FAP: variants seen among roughly 807,000 people sequenced by gnomAD.
FAP encodes the protein prolyl endopeptidase FAP.
FAP carries 110 observed loss-of-function variants against 126.5 expected under a neutral mutation model. That is an observed-to-expected ratio of 0.87 (90% CI 0.74 to 1.02). The LOEUF is 1.02. Ranked by LOEUF, FAP falls within the 50% of genes least tolerant of loss-of-function variation. The probability of loss-of-function intolerance (pLI) is 0.00; values close to 1 mark genes in which losing one functional copy is unlikely to be tolerated. For synonymous variants in FAP, 334 were observed against 297.3 expected (o/e 1.12, Z -1.27); for missense variants, 919 against 909.2 (o/e 1.01, Z -0.14).
intron 9 of FAP, among the ~76,000 whole-genome samples, 161 bp from the exon 10 acceptor site, chr2:162,216,162 A>T (rs575788480): frequency 2.6e-5 from 4 of 152,336 alleles, no homozygotes; most frequent in South Asian, 4.1e-4. Context: ...TCTCATTTCA[A>T]TTTTACCTGC....
At chr2:162,191,563 A>G (rs866551699) in intron 17 of FAP, among the ~76,000 whole-genome samples, 5 of 152,266 alleles carry the variant, frequency 3.3e-5, no homozygotes, top group Middle Eastern at 6.8e-3. Context: ...TCTGGCATGT[A>G]GTATCTGCTT....
At chr2:162,220,914 C>T (rs1327862108) in intron 6 of FAP, among the ~76,000 whole-genome samples, 1 of 152,132 alleles carries the variant, frequency 6.6e-6, no homozygotes, top group East Asian at 1.9e-4. Context: ...TTTGAAGAGC[C>T]TCAAAAAAGA....
chr2:162,184,835 A>G (rs1055295994), intron 20 of FAP, among the ~76,000 whole-genome samples: 2 of 152,122 alleles, frequency 1.3e-5, no homozygotes, highest in African/African-American at 4.8e-5. Context: ...ATCAATTGTG[A>G]TTTTATGATC....
chr2:162,228,687 T>C (rs1689765123), intron 2 of FAP, among the ~76,000 whole-genome samples: 1 of 152,216 alleles, frequency 6.6e-6, no homozygotes, highest in South Asian at 2.1e-4. Context: ...CAGTTATTTG[T>C]AATGAAATAT....
chr2:162,173,940 C>A (rs1257358711), intron 22 of FAP, among the ~76,000 whole-genome samples, 153 bp from the exon 23 acceptor site: 1 of 152,070 alleles, frequency 6.6e-6, no homozygotes, highest in African/African-American at 2.4e-5. Context: ...TGGTTGGCCT[C>A]AAAGAATATG....
chr2:162,173,822 GT>G, intron 22 of FAP, 35 bp from the exon 23 acceptor site: 5 of 1,325,758 alleles, frequency 3.8e-6, no homozygotes, highest in Non-Finnish European at 5.4e-6. Flanking sequence ...TTGTTTGCAT[GT>G]GATGAATGTC....
In FAP at chr2:162,195,230, C is replaced by T. The variant is rs115339076; in HGVS notation, c.1403-482G>A. ...ATGGAATAATACATGCAGAAATCTA[C>T]ATGGGATATACTTCCTTTTAAAATA... On this transcript the variant is annotated intron_variant, in intron 16 of 25. Transcript: ENST00000188790. 2.4e-3 allele frequency among the ~76,000 whole-genome samples: 359 copies of T among 152,146 alleles called. 1 individual carries two copies. Among genetic ancestry groups the T allele is most frequent in the African/African-American group, 7.5e-3 (310 of 41,508 alleles).
At chr2:162,232,288 T>G (rs754383527) in intron 2 of FAP, among the ~76,000 whole-genome samples, 1 of 152,214 alleles carries the variant, frequency 6.6e-6, no homozygotes, top group African/African-American at 2.4e-5. Flanking sequence ...TAAATACTTT[T>G]GTGGACACCA....
At chr2:162,199,505 A>T (rs1039510632) in intron 15 of FAP, among the ~76,000 whole-genome samples, 1 of 152,146 alleles carries the variant, frequency 6.6e-6, no homozygotes, top group African/African-American at 2.4e-5. Context: ...CTGCAGAGTC[A>T]TCTGTGTGGT....
intron 2 of FAP, among the ~76,000 whole-genome samples, chr2:162,226,917 G>T (rs1689678217): frequency 1.3e-5 from 2 of 152,146 alleles, no homozygotes; most frequent in Non-Finnish European, 2.9e-5. Flanking sequence ...GCTGGGGCAT[G>T]ATTCTTCAGG....
In FAP at chr2:162,183,497, T is replaced by C. The variant is rs747799768; in HGVS notation, c.1815-29A>G. 5.9e-6 allele frequency: 8 copies of C among 1,363,022 alleles called. No homozygotes were observed. In the South Asian group the frequency reaches 9.4e-5, roughly 16 times the overall value. 84.4% of individuals were successfully genotyped at this position (1,363,022 alleles called of 1,614,324 possible). On this transcript the variant is annotated intron_variant, in intron 20 of 25. Transcript: ENST00000188790. The stretch of plus-strand genomic sequence containing the variant: ...AAGTAAAAGAAACAAATTTTTAGAA[T>C]GTTAAGTGTATACACATGACATTTA...
chr2:162,204,059 C>A (rs1219089699), intron 12 of FAP, among the ~76,000 whole-genome samples: 1 of 152,048 alleles, frequency 6.6e-6, no homozygotes, highest in Non-Finnish European at 1.5e-5. Context: ...TCATGCAGAG[C>A]AGATTTAAAG....
At chr2:162,227,584 T>C (rs1321448203) in intron 2 of FAP, among the ~76,000 whole-genome samples, 1 of 152,152 alleles carries the variant, frequency 6.6e-6, no homozygotes, top group African/African-American at 2.4e-5. Context: ...ATGAATCTGG[T>C]ATTTGCCCAG....
chr2:162,213,284 G>C (rs1353080989), intron 11 of FAP, among the ~76,000 whole-genome samples: 1 of 151,706 alleles, frequency 6.6e-6, no homozygotes, highest in Non-Finnish European at 1.5e-5. Context: ...ACTGAGGCAG[G>C]AGAATCGCCT....
intron 12 of FAP, among the ~76,000 whole-genome samples, chr2:162,206,306 C>T (rs374499137): frequency 6.6e-6 from 1 of 152,160 alleles, no homozygotes; most frequent in African/African-American, 2.4e-5. Context: ...TAATGAGGCC[C>T]TTACACTGGT....
intron 24 of FAP, 34 bp downstream of exon 24, chr2:162,173,114 TA>T (rs1687373468): frequency 6.4e-7 from 1 of 1,566,724 alleles, no homozygotes; most frequent in Non-Finnish European, 8.8e-7. Flanking sequence ...GCTGGCTCAG[TA>T]TTTTTATGTG....
At chr2:162,192,785 A>T (rs1279892115) in intron 17 of FAP, among the ~76,000 whole-genome samples, 1 of 152,136 alleles carries the variant, frequency 6.6e-6, no homozygotes, top group Non-Finnish European at 1.5e-5. Flanking sequence ...CTATTTCAGT[A>T]AAAAACCATT....
intron 12 of FAP, among the ~76,000 whole-genome samples, chr2:162,204,559 T>G (rs1688623464): frequency 6.6e-6 from 1 of 152,090 alleles, no homozygotes; most frequent in Non-Finnish European, 1.5e-5. Context: ...GAAGCAGGGA[T>G]TAAAGTGATA....
intron 3 of FAP, 64 bp downstream of exon 3, chr2:162,226,459 G>A (rs1007032529): frequency 6.8e-6 from 5 of 740,678 alleles, no homozygotes; most frequent in Admixed American, 5.2e-5. Flanking sequence ...AGATGTATTG[G>A]CACTAAAATA....
Sources: allele counts gnomAD v4.1 joint callset (sites outside exome capture counted in the v4.1 genomes callset), GRCh38; gene constraint gnomAD v4.1.1; transcripts MANE v1.5; gene names NCBI Gene and HGNC (gene_info 2026-07-23, HGNC 2026-07-21).